The following PRKN variants were observed in gnomAD, a reference collection of about 807,000 sequenced individuals.
PRKN encodes parkin RBR E3 ubiquitin protein ligase.
In PRKN, 56 loss-of-function variants were observed where a neutral mutation model predicts 59.5. The observed-to-expected ratio is 0.94, with a 90% CI of 0.76 to 1.18. PRKN has a LOEUF of 1.18. Ranked by LOEUF, PRKN falls within the 50% of genes most tolerant of loss-of-function variation. PRKN has a pLI of 0.00. For missense variants in PRKN, 657 were observed against 596.4 expected (o/e 1.10, Z -1.06); for synonymous variants, 250 against 222.1 (o/e 1.13, Z -1.12).
chr6:162,200,764 A>G lies in PRKN; in HGVS notation c.534+367T>C, dbSNP rs117561750. On this transcript the variant is annotated intron_variant, in intron 4 of 11. Coordinates refer to ENST00000366898, the MANE Select transcript of PRKN (RefSeq NM_004562.3). ...GACTTTTGTATATAACCATGCTACC[A>G]TCACACAGATCAAGATACAAAACAT... 4.3e-3 allele frequency among the ~76,000 whole-genome samples: 648 copies of G among 152,340 alleles called. 5 individuals are homozygous for G. The highest frequency in any genetic ancestry group is 6.0e-3 in the Non-Finnish European group (411 of 68,020).
At chr6:161,389,959 G>A (rs1295975000) in intron 9 of PRKN, among the ~76,000 whole-genome samples, 1 of 152,144 alleles carries the variant, frequency 6.6e-6, no homozygotes, top group Admixed American at 6.6e-5. Flanking sequence ...AAAGGGAAGA[G>A]CATATCAAAT....
At chr6:162,091,865 G>A (rs1401371568) in intron 4 of PRKN, among the ~76,000 whole-genome samples, 1 of 151,962 alleles carries the variant, frequency 6.6e-6, no homozygotes, top group African/African-American at 2.4e-5. Context: ...AGTGAGAGCC[G>A]ATTCTACAAA....
chr6:161,941,639 C>G (rs147156892), intron 6 of PRKN, among the ~76,000 whole-genome samples: 2 of 152,170 alleles, frequency 1.3e-5, no homozygotes, highest in African/African-American at 2.4e-5. Flanking sequence ...TAAAAGAGCA[C>G]CCTGTAACAC....
rs1790299299 is a variant in PRKN, at chr6:161,463,220, G to T, written c.1084-76343C>A. Among the ~76,000 whole-genome samples, 1 of 152,088 alleles carries T rather than the reference G, an allele frequency of 6.6e-6. No homozygotes were observed. Among genetic ancestry groups the T allele is most frequent in the African/African-American group, 2.4e-5 (1 of 41,398 alleles). ...TCCAGATTCAGCACGGCCTCTGGAA[G>T]GTGACTGCCAGGTCAGCTTCACTGT... On this transcript the variant is annotated intron_variant, in intron 9 of 11. Coordinates refer to ENST00000366898, the MANE Select transcript of PRKN (RefSeq NM_004562.3). This position sits in a 1 kb window ranked among gnomAD's most constrained non-coding sequence, Gnocchi z 4.8.
intron 2 of PRKN, among the ~76,000 whole-genome samples, chr6:162,381,587 T>A (rs932776062): frequency 1.3e-5 from 2 of 152,246 alleles, no homozygotes. Context: ...CTATTGTGTA[T>A]AAGCTGTCCT....
Position 161,352,791 on chromosome 6 carries a change from A to G in PRKN, c.1286-2580T>C, listed in dbSNP as rs576533654. Among the ~76,000 whole-genome samples the G allele has an allele frequency of 2.3e-5, 3 of 133,056 alleles. No individual in the cohort carries two copies. The highest frequency in any genetic ancestry group is 4.8e-5 in the Non-Finnish European group (3 of 62,542). The allele number at this position is 133,056 out of a possible 152,430, so 87.3% of individuals were successfully genotyped here. The stretch of plus-strand genomic sequence containing the variant: ...TATATATTTTATTTTATTTTATTTT[A>G]TTTTTTTGAGATGGAGTCTCGCTCT... On this transcript the variant is annotated intron_variant, in intron 11 of 11. Transcript: ENST00000366898. The surrounding 1 kb of genome is among the most constrained non-coding windows in gnomAD (Gnocchi z 5.8).
intron 7 of PRKN, among the ~76,000 whole-genome samples, chr6:161,725,479 G>A (rs1400916037): frequency 1.3e-5 from 2 of 152,190 alleles, no homozygotes; most frequent in African/African-American, 4.8e-5. Context: ...GATGATAGAT[G>A]CAGAAGTGAT....
chr6:161,474,538 C>T (rs1023636276), intron 9 of PRKN, among the ~76,000 whole-genome samples: 7 of 151,690 alleles, frequency 4.6e-5, no homozygotes, highest in African/African-American at 1.7e-4. Flanking sequence ...TCACAGATAT[C>T]TTCGTATGAT....
At chr6:161,532,708 T>C (rs4615361) in intron 9 of PRKN, among the ~76,000 whole-genome samples, 13,643 of 152,182 alleles carry the variant, frequency 0.09, 949 homozygotes, top group African/African-American at 0.19. Context: ...GTAATATGGC[T>C]GGAATGTCAT....
intron 4 of PRKN, among the ~76,000 whole-genome samples, chr6:162,181,422 C>T (rs4708942): frequency 0.92 from 139,804 of 152,262 alleles, 64,720 homozygotes; most frequent in Non-Finnish European, 0.98. Flanking sequence ...GGCTCTGGAA[C>T]CACTTACAGC....
intron 2 of PRKN, among the ~76,000 whole-genome samples, chr6:162,268,191 A>G (rs1184988918): frequency 6.6e-6 from 1 of 152,202 alleles, no homozygotes; most frequent in African/African-American, 2.4e-5. Flanking sequence ...ACCATCTGCT[A>G]TGTCTCAATG....
chr6:161,440,100 A>G lies in PRKN; in HGVS notation c.1084-53223T>C, dbSNP rs373445952. On this transcript the variant is annotated intron_variant, in intron 9 of 11. Transcript: ENST00000366898. The surrounding 1 kb of genome is among the most constrained non-coding windows in gnomAD (Gnocchi z 4.1). ...TGAGTAGCTGGGACTACAGGCGCCC[A>G]CCACCACGCCCGGCTAATTTTTTTT... is the stretch of plus-strand genomic sequence containing the variant. 4.3e-4 allele frequency among the ~76,000 whole-genome samples: 65 copies of G among 150,036 alleles called. No homozygotes were observed. Among genetic ancestry groups the G allele is most frequent in the African/African-American group, 1.3e-3 (52 of 40,716 alleles).
At chr6:162,128,548 G>C (rs1781213662) in intron 4 of PRKN, among the ~76,000 whole-genome samples, 1 of 152,194 alleles carries the variant, frequency 6.6e-6, no homozygotes, top group South Asian at 2.1e-4. Flanking sequence ...CTTACTATAG[G>C]AGAGAAAGCA....
At chr6:162,238,605 G>T (rs1233289559) in intron 3 of PRKN, among the ~76,000 whole-genome samples, 1 of 152,166 alleles carries the variant, frequency 6.6e-6, no homozygotes, top group Non-Finnish European at 1.5e-5. Flanking sequence ...TGGGAGTTAA[G>T]TGGCCTTCTA....
intron 2 of PRKN, among the ~76,000 whole-genome samples, chr6:162,396,439 T>G (rs1787479234): frequency 6.6e-6 from 1 of 152,050 alleles, no homozygotes; most frequent in Non-Finnish European, 1.5e-5. Flanking sequence ...GGTGGAACGA[T>G]GGGTATCACT....
At chr6:161,489,539 G>C (rs1007647892) in intron 9 of PRKN, among the ~76,000 whole-genome samples, 1 of 152,056 alleles carries the variant, frequency 6.6e-6, no homozygotes, top group Non-Finnish European at 1.5e-5. Context: ...CAGCCTGGGC[G>C]AAAGAGCAAA....
intron 7 of PRKN, among the ~76,000 whole-genome samples, chr6:161,658,404 T>C (rs1345343220): frequency 6.6e-6 from 1 of 152,234 alleles, no homozygotes; most frequent in East Asian, 1.9e-4. Flanking sequence ...CAGTGACTTA[T>C]AACACAGCAG....
intron 7 of PRKN, among the ~76,000 whole-genome samples, chr6:161,640,993 A>G (rs1199966809): frequency 1.3e-5 from 2 of 152,250 alleles, no homozygotes; most frequent in Admixed American, 1.3e-4. Flanking sequence ...TTGCGAAAGT[A>G]TAACTGAGAA....
rs1295307040 is a variant in PRKN, at chr6:161,447,520, GTC to G, written c.1084-60645_1084-60644del. Reference sequence around the variant, plus strand: ...CTTTCCTTCCTTTCCTTGAGATGGAGTCTCTCTCTGTCGCCCAGGCTGGAGTG... The same window carrying G: ...CTTTCCTTCCTTTCCTTGAGATGGAGTCTCTCTGTCGCCCAGGCTGGAGTG... On this transcript the variant is annotated intron_variant, in intron 9 of 11. Coordinates refer to ENST00000366898, the MANE Select transcript of PRKN (RefSeq NM_004562.3). The surrounding 1 kb of genome is among the most constrained non-coding windows in gnomAD (Gnocchi z 4.1). Among the ~76,000 whole-genome samples, 1 of 152,082 alleles carries G rather than the reference GTC, an allele frequency of 6.6e-6. No individual in the cohort carries two copies. Among genetic ancestry groups the G allele is most frequent in the Non-Finnish European group, 1.5e-5 (1 of 68,018 alleles).
Sources: gnomAD v4.1 joint callset for allele counts (sites outside exome capture counted in the v4.1 genomes callset) on GRCh38, gnomAD v4.1.1 for gene constraint, Gnocchi (gnomAD v3.1) non-coding constraint, MANE v1.5 for transcripts, NCBI Gene and HGNC (gene_info 2026-07-23, HGNC 2026-07-21) for gene names.